The following FARS2 variants were observed in gnomAD, a reference collection of about 807,000 sequenced individuals.
FARS2 encodes phenylalanyl-tRNA synthetase 2, mitochondrial, also known as phenylalanine--tRNA ligase, mitochondrial.
A neutral mutation model predicts 46.4 loss-of-function variants in FARS2; 40 were observed. The observed-to-expected ratio is 0.86, with a 90% CI of 0.67 to 1.12. FARS2 has a LOEUF of 1.12. Among genes scored for constraint, FARS2 ranks in the 50% most tolerant of loss-of-function variants. FARS2 has a pLI of 0.00. For synonymous variants in FARS2, 234 were observed against 214.9 expected (o/e 1.09, Z -0.78); for missense variants, 513 against 567.9 (o/e 0.90, Z 0.98).
chr6:5,325,487 C>T lies in FARS2; in HGVS notation c.-21-43063C>T, dbSNP rs528071505. Reference sequence around the variant, plus strand: ...AGGGGCTGGTTTCAGCTGTGTGCAGCCTCCAAGCTTCAAGCACAAAGAATC... The same window carrying T: ...AGGGGCTGGTTTCAGCTGTGTGCAGTCTCCAAGCTTCAAGCACAAAGAATC... On this transcript the variant is annotated intron_variant, in intron 1 of 6. Coordinates refer to ENST00000274680, the MANE Select transcript of FARS2 (RefSeq NM_006567.5). Among the ~76,000 whole-genome samples, 10 of 152,332 alleles carry T rather than the reference C, an allele frequency of 6.6e-5. No homozygotes were observed. The East Asian group carries it at 1.3e-3, about 21-fold the overall frequency.
At chr6:5,264,686 C>T (rs1054744969) in intron 1 of FARS2, among the ~76,000 whole-genome samples, 3 of 151,814 alleles carry the variant, frequency 2.0e-5, no homozygotes, top group Non-Finnish European at 2.9e-5. Context: ...GGATTACAGG[C>T]GTGAGCCACC....
intron 1 of FARS2, among the ~76,000 whole-genome samples, chr6:5,318,622 G>A (rs1218535123): frequency 6.6e-6 from 1 of 152,134 alleles, no homozygotes; most frequent in Non-Finnish European, 1.5e-5. Flanking sequence ...TATTTTAAAC[G>A]AAAGTACGCT....
At chr6:5,695,704 C>A (rs1758059741) in intron 6 of FARS2, among the ~76,000 whole-genome samples, 2 of 152,206 alleles carry the variant, frequency 1.3e-5, no homozygotes, top group East Asian at 3.8e-4. Flanking sequence ...AGAAGCAGTT[C>A]TTCCTTTCTT....
intron 6 of FARS2, among the ~76,000 whole-genome samples, chr6:5,702,563 T>C (rs1398932686): frequency 1.3e-5 from 2 of 152,246 alleles, no homozygotes; most frequent in African/African-American, 4.8e-5. Context: ...ACTAATTTAA[T>C]GGATTAGTGT....
upstream of FARS2, among the ~76,000 whole-genome samples, chr6:5,257,024 C>A (rs987110355): frequency 1.3e-5 from 2 of 152,130 alleles, no homozygotes; most frequent in Admixed American, 6.5e-5. Context: ...TCCTTACTAG[C>A]GTCCTAATCT....
intron 6 of FARS2, among the ~76,000 whole-genome samples, chr6:5,738,822 C>G (rs188928254): frequency 6.6e-6 from 1 of 151,862 alleles, no homozygotes; most frequent in African/African-American, 2.4e-5. Flanking sequence ...AAACTTTAAC[C>G]AAAGAGTTGC....
chr6:5,398,423 C>T (rs114245232), intron 2 of FARS2, among the ~76,000 whole-genome samples: 1,650 of 151,826 alleles, frequency 0.011, 26 homozygotes, highest in African/African-American at 0.037. Context: ...TGAAATTTAC[C>T]CAGGTTTGGT....
chr6:5,314,907 C>T (rs112210087), intron 1 of FARS2, among the ~76,000 whole-genome samples: 1 of 121,572 alleles, frequency 8.2e-6, no homozygotes, highest in Non-Finnish European at 1.7e-5. Flanking sequence ...ATGTAGCAAT[C>T]GATGTTCTTT....
chr6:5,573,382 CCTTT>C (rs1772769285), intron 5 of FARS2, among the ~76,000 whole-genome samples: 3 of 152,206 alleles, frequency 2.0e-5, no homozygotes, highest in Admixed American at 6.5e-5. Context: ...TTCCCTTGCT[CCTTT>C]CTTTTATTGA....
intron 6 of FARS2, among the ~76,000 whole-genome samples, chr6:5,648,735 G>A (rs948880372): frequency 6.6e-6 from 1 of 151,998 alleles, no homozygotes; most frequent in Admixed American, 6.6e-5. Context: ...TTTATTTGAA[G>A]TATGTAATTC....
intron 6 of FARS2, 57 bp from the exon 7 acceptor site, chr6:5,771,234 C>G (rs1240825562): frequency 1.9e-6 from 3 of 1,608,124 alleles, no homozygotes; most frequent in Non-Finnish European, 1.7e-6. Flanking sequence ...CCACACTGCT[C>G]CTTCAGGCAC....
In FARS2 at chr6:5,543,262, C is replaced by CT. The variant is rs72340605; in HGVS notation, c.905-1914dup. ...GCTGGTGTTTCACTTATAATGAAGC[C>CT]TTTTCCCTCCTGGACTTTGCACACC... is the stretch of plus-strand genomic sequence containing the variant. On this transcript the variant is annotated intron_variant, in intron 4 of 6. Transcript: ENST00000274680. Among the ~76,000 whole-genome samples, 1,154 of 152,246 alleles carry CT rather than the reference C, an allele frequency of 7.6e-3. 14 individuals carry two copies. The highest frequency in any genetic ancestry group is 0.026 in the African/African-American group (1,094 of 41,534).
At chr6:5,698,292 G>C (rs1321006256) in intron 6 of FARS2, among the ~76,000 whole-genome samples, 1 of 152,152 alleles carries the variant, frequency 6.6e-6, no homozygotes, top group East Asian at 1.9e-4. Context: ...GTGGAAGGCC[G>C]AGGGGCTGCA....
intron 4 of FARS2, among the ~76,000 whole-genome samples, chr6:5,504,778 T>A (rs1481386868): frequency 1.3e-5 from 2 of 152,206 alleles, no homozygotes; most frequent in Non-Finnish European, 1.5e-5. Flanking sequence ...ACATAAAGAA[T>A]GTAAAGAATA....
intron 6 of FARS2, among the ~76,000 whole-genome samples, chr6:5,744,371 A>G (rs554162794): frequency 3.3e-5 from 5 of 152,362 alleles, no homozygotes; most frequent in African/African-American, 1.2e-4. Context: ...ACCCACGACC[A>G]ACAGTATGTT....
Position 5,404,772 on chromosome 6 carries a change from T to G in FARS2, c.772+71T>G, listed in dbSNP as rs766082220. On this transcript the variant is annotated intron_variant, in intron 3 of 6. Coordinates refer to ENST00000274680, the MANE Select transcript of FARS2 (RefSeq NM_006567.5). ...GGGACAGAAGTGTTTTGGATTTGGG[T>G]TTTTTTTTTTTTTTTCATATTTTGA... is the stretch of plus-strand genomic sequence containing the variant. 1.7e-3 allele frequency: 413 copies of G among 246,988 alleles called. 1 individual carries two copies. Among genetic ancestry groups the G allele is most frequent in the African/African-American group, 8.1e-3 (297 of 36,768 alleles). 15.3% of individuals were successfully genotyped at this position (246,988 alleles called of 1,614,324 possible).
At chr6:5,686,685 C>G (rs1350391364) in intron 6 of FARS2, among the ~76,000 whole-genome samples, 1 of 152,148 alleles carries the variant, frequency 6.6e-6, no homozygotes, top group Non-Finnish European at 1.5e-5. Context: ...GTCTTTATAA[C>G]AGCATGTTTT....
At chr6:5,416,171 T>C (rs2127740606) in intron 3 of FARS2, among the ~76,000 whole-genome samples, 1 of 152,350 alleles carries the variant, frequency 6.6e-6, no homozygotes, top group East Asian at 1.9e-4. Context: ...TTTTTTCTTT[T>C]ATGGATTATG....
Position 5,495,689 on chromosome 6 carries a change from C to G in FARS2, c.905-49491C>G, listed in dbSNP as rs143860747. On this transcript the variant is annotated intron_variant, in intron 4 of 6. Transcript: ENST00000274680. ...TTAGAAAGTTTTATCCAAAATTAAA[C>G]CAGTAATACTGAGGTGGTAGCTCAT... Among the ~76,000 whole-genome samples, 26 of 152,288 alleles carry G rather than the reference C, an allele frequency of 1.7e-4. No homozygotes were observed. In the East Asian group the frequency reaches 4.4e-3, roughly 26 times the overall value.
Sources: gnomAD v4.1 joint callset for allele counts (sites outside exome capture counted in the v4.1 genomes callset) on GRCh38, gnomAD v4.1.1 for gene constraint, MANE v1.5 for transcripts, NCBI Gene and HGNC (gene_info 2026-07-23, HGNC 2026-07-21) for gene names.